The following POLN variants were observed in gnomAD, a reference collection of about 807,000 sequenced individuals.
The protein encoded by POLN is DNA polymerase N.
POLN carries 108 observed loss-of-function variants against 113.5 expected under a neutral mutation model. The observed-to-expected ratio is 0.95, with a 90% confidence interval of 0.81 to 1.12. The LOEUF is 1.12. POLN is among the 50% of genes most tolerant of loss of function. The pLI, the probability that POLN is intolerant of heterozygous loss-of-function variation, is 0.00. For synonymous variants in POLN, 386 were observed against 391.5 expected, an observed-to-expected ratio of 0.99 and a Z score of 0.17; for missense variants, 1,097 against 1,077.1, an observed-to-expected ratio of 1.02 and a Z score of -0.26.
intron 18 of POLN, 46 bp downstream of exon 18, chr4:2,129,133 C>T (rs776539402): frequency 1.1e-5 from 15 of 1,318,400 alleles, no homozygotes; most frequent in Non-Finnish European, 1.6e-5. Context: ...AATTTCTAAA[C>T]CTTTGAACCC....
At chr4:2,148,085 G>A (rs1732194663) in intron 16 of POLN, among the ~76,000 whole-genome samples, 1 of 152,176 alleles carries the variant, frequency 6.6e-6, no homozygotes, top group African/African-American at 2.4e-5. Flanking sequence ...AGTGCAGGAT[G>A]TTATAATACA....
intron 3 of POLN, among the ~76,000 whole-genome samples, chr4:2,218,548 A>T (rs933927268): frequency 8.5e-5 from 13 of 152,174 alleles, no homozygotes; most frequent in African/African-American, 2.2e-4. Context: ...GGGCCCCAGA[A>T]TATCTGTGTG....
chr4:2,082,144 T>TG (rs1391835798), intron 21 of POLN, among the ~76,000 whole-genome samples: 4 of 151,850 alleles, frequency 2.6e-5, no homozygotes, highest in Non-Finnish European at 5.9e-5. Context: ...GTAGTAGAGA[T>TG]GGGGTTCCAC....
intron 16 of POLN, among the ~76,000 whole-genome samples, chr4:2,151,258 TGAGA>T (rs1732289076): frequency 6.6e-6 from 1 of 152,190 alleles, no homozygotes; most frequent in African/African-American, 2.4e-5. Flanking sequence ...AAAACTGCAA[TGAGA>T]CACCACAAGA....
At chr4:2,177,034 T>C (rs1201409630) in intron 8 of POLN, among the ~76,000 whole-genome samples, 1 of 152,198 alleles carries the variant, frequency 6.6e-6, no homozygotes, top group Non-Finnish European at 1.5e-5. Flanking sequence ...TGCACACACC[T>C]TGGCATTGTT....
At chr4:2,132,799 T>C (rs762060295) in intron 16 of POLN, among the ~76,000 whole-genome samples, 20 of 152,326 alleles carry the variant, frequency 1.3e-4, no homozygotes, top group Middle Eastern at 3.4e-3. Context: ...TAAAGTACTC[T>C]GTCATCTGCA....
At chr4:2,142,856 T>G (rs913588889) in intron 16 of POLN, among the ~76,000 whole-genome samples, 3 of 150,128 alleles carry the variant, frequency 2.0e-5, no homozygotes, top group African/African-American at 4.9e-5. Context: ...CCGCCATCCT[T>G]GATACCCAGC....
At chr4:2,085,247 T>C (rs571514699) in intron 21 of POLN, among the ~76,000 whole-genome samples, 1 of 152,338 alleles carries the variant, frequency 6.6e-6, no homozygotes, top group South Asian at 2.1e-4. Context: ...TGGATATTCT[T>C]TGAAATTTGT....
At chr4:2,202,768 A>C (rs1281119497) in intron 5 of POLN, among the ~76,000 whole-genome samples, 2 of 151,770 alleles carry the variant, frequency 1.3e-5, no homozygotes, top group Non-Finnish European at 2.9e-5. Context: ...AAGATGATAT[A>C]ATAACAAAAG....
intron 24 of POLN, among the ~76,000 whole-genome samples, chr4:2,074,282 C>A (rs1479904490): frequency 6.6e-6 from 1 of 152,168 alleles, no homozygotes; most frequent in Non-Finnish European, 1.5e-5. Context: ...GGAGATATGA[C>A]CTGACCCCCA....
chr4:2,183,232 C>G (rs1278979852), intron 7 of POLN, among the ~76,000 whole-genome samples: 1 of 152,182 alleles, frequency 6.6e-6, no homozygotes, highest in Non-Finnish European at 1.5e-5. Context: ...TTGTTGGAAA[C>G]AAGTTTGGCA....
chr4:2,078,542 C>G, intron 23 of POLN: 1 of 969,326 alleles, frequency 1.0e-6, no homozygotes, highest in Non-Finnish European at 1.2e-6. Flanking sequence ...GCGATCTCAG[C>G]TCACTCTAGG....
At chr4:2,080,921 C>T (rs1193838127) in intron 23 of POLN, 37 bp downstream of exon 23, 1 of 1,613,532 alleles carries the variant, frequency 6.2e-7, no homozygotes, top group South Asian at 1.1e-5. Context: ...AATACTAACC[C>T]TCCCATCCAA....
intron 17 of POLN, among the ~76,000 whole-genome samples, chr4:2,130,332 G>A (rs1731694909): frequency 6.6e-6 from 1 of 151,512 alleles, no homozygotes; most frequent in Non-Finnish European, 1.5e-5. Flanking sequence ...AAGAGGACAA[G>A]ACAAGACTGC....
chr4:2,075,754 G>T (rs970367423), intron 23 of POLN, among the ~76,000 whole-genome samples: 1 of 152,234 alleles, frequency 6.6e-6, no homozygotes. Context: ...GTCACCCACT[G>T]TCACCAGGAC....
rs1730883258 is a variant in POLN, at chr4:2,099,961, G to C, written c.1983-4028C>G. ...AATGTACACCTGCAGTCCCAGCTATGTGGTGGGCTGAGGCAGGAGGATCAC... is the reference window on the plus strand; with the variant it reads ...AATGTACACCTGCAGTCCCAGCTATCTGGTGGGCTGAGGCAGGAGGATCAC... On this transcript the variant is annotated intron_variant, in intron 19 of 25. Coordinates refer to ENST00000511885, the MANE Select transcript of POLN (RefSeq NM_181808.4). 2.0e-5 allele frequency among the ~76,000 whole-genome samples: 3 copies of C among 152,022 alleles called. No individual in the cohort carries two copies. The South Asian group carries it at 6.2e-4, about 32-fold the overall frequency.
chr4:2,078,835 T>C, intron 23 of POLN: 1 of 985,450 alleles, frequency 1.0e-6, no homozygotes, highest in Non-Finnish European at 1.2e-6. Context: ...AGTGTCTGTG[T>C]CCAGCTTTCA....
Position 2,208,319 on chromosome 4 carries a change from C to T in POLN, c.382G>A (p.Val128Ile). Residue 128 changes from valine (V) to isoleucine (I), a missense_variant, in exon 5 of 26, where the codon GTT becomes ATT. Val to Ile is a conservative substitution (Grantham distance 29). Coordinates refer to ENST00000511885, the MANE Select transcript of POLN (RefSeq NM_181808.4). ...LIPQYNQEAS[V>I]LQKKGHKRKH... ...CTTTTATGCCCCTTTTTCTGTAGAA[C>T]TGAAGCCTCTTGATTATACTGTGGA... 1 of 1,609,238 alleles carries T rather than the reference C, an allele frequency of 6.2e-7. No homozygotes were observed.
At chr4:2,161,089 G>A (rs1430205253) in intron 13 of POLN, among the ~76,000 whole-genome samples, 2 of 152,178 alleles carry the variant, frequency 1.3e-5, no homozygotes, top group African/African-American at 4.8e-5. Context: ...CAGTGGTACT[G>A]AGAGGTGACA....
Sources: gnomAD v4.1 joint callset for allele counts (sites outside exome capture counted in the v4.1 genomes callset) on GRCh38, gnomAD v4.1.1 for gene constraint, MANE v1.5 for transcripts, NCBI Gene and HGNC (gene_info 2026-07-23, HGNC 2026-07-21) for gene names.